The following ASIC2 variants were observed in gnomAD, a reference collection of about 807,000 sequenced individuals.
ASIC2 encodes acid-sensing ion channel 2.
In ASIC2, 25 loss-of-function variants were observed where a neutral mutation model predicts 57.3. That is an observed-to-expected ratio of 0.44 (90% CI 0.32 to 0.61). ASIC2 has a LOEUF of 0.61. Among genes scored for constraint, ASIC2 ranks in the 20% least tolerant of loss-of-function variants. The probability of loss-of-function intolerance (pLI) is 0.06; values close to 1 mark genes in which losing one functional copy is unlikely to be tolerated. For synonymous variants in ASIC2, 319 were observed against 307.5 expected (o/e 1.04, Z -0.39); for missense variants, 641 against 738.1 (o/e 0.87, Z 1.52).
At chr17:34,109,415 G>T (rs1056700890) in intron 1 of ASIC2, among the ~76,000 whole-genome samples, 3 of 152,016 alleles carry the variant, frequency 2.0e-5, no homozygotes, top group Non-Finnish European at 4.4e-5. Flanking sequence ...TCCTGTGCAT[G>T]TCTTCTACGT....
chr17:33,761,816 A>C (rs1910789508), intron 1 of ASIC2, among the ~76,000 whole-genome samples: 1 of 150,154 alleles, frequency 6.7e-6, no homozygotes, highest in South Asian at 2.1e-4. Context: ...AACCCACCTA[A>C]GACCTCCCCA....
intron 1 of ASIC2, among the ~76,000 whole-genome samples, chr17:33,385,173 C>T (rs574229360): frequency 3.8e-4 from 58 of 152,292 alleles, no homozygotes; most frequent in African/African-American, 1.3e-3. Context: ...GTCAAGTGTT[C>T]GACATGCATT....
chr17:34,093,569 A>G (rs776627340), intron 1 of ASIC2, among the ~76,000 whole-genome samples: 2 of 152,220 alleles, frequency 1.3e-5, no homozygotes, highest in Non-Finnish European at 2.9e-5. Context: ...GCTCCAGTTC[A>G]GGCATAGGAC....
At chr17:33,397,867 A>C (rs929532218) in intron 1 of ASIC2, among the ~76,000 whole-genome samples, 9 of 152,252 alleles carry the variant, frequency 5.9e-5, no homozygotes, top group African/African-American at 2.2e-4. Context: ...TATTGCAAAT[A>C]ATTAACTGCA....
At chr17:33,591,511 T>A (rs901702061) in intron 1 of ASIC2, among the ~76,000 whole-genome samples, 3 of 152,198 alleles carry the variant, frequency 2.0e-5, no homozygotes, top group African/African-American at 4.8e-5. Context: ...AGTTGGCACT[T>A]AGAGTATGTA....
chr17:33,268,023 T>A (rs561457861), intron 1 of ASIC2, among the ~76,000 whole-genome samples: 103 of 152,344 alleles, frequency 6.8e-4, no homozygotes, highest in Non-Finnish European at 1.3e-3. Flanking sequence ...AAGGGACATG[T>A]GACCCAAGAT....
intron 1 of ASIC2, among the ~76,000 whole-genome samples, chr17:33,317,194 AC>A (rs752934429): frequency 6.6e-6 from 1 of 152,172 alleles, no homozygotes. Context: ...CTTTGCCCCT[AC>A]ATCTGGTGCC....
intron 1 of ASIC2, among the ~76,000 whole-genome samples, chr17:33,596,127 C>G (rs144342323): frequency 1.3e-5 from 2 of 152,156 alleles, no homozygotes; most frequent in Non-Finnish European, 2.9e-5. Flanking sequence ...CCCGCCAAAT[C>G]TTGGAGCTCT....
intron 1 of ASIC2, among the ~76,000 whole-genome samples, chr17:33,208,867 G>T (rs1263268204): frequency 1.3e-5 from 2 of 152,104 alleles, no homozygotes. Context: ...GATGGGCAGA[G>T]GTGTGGAGGA....
At chr17:33,869,504 G>T (rs1407436231) in intron 1 of ASIC2, among the ~76,000 whole-genome samples, 1 of 152,190 alleles carries the variant, frequency 6.6e-6, no homozygotes, top group Non-Finnish European at 1.5e-5. Context: ...TCCATCAGCT[G>T]ATGAATGAAT....
intron 1 of ASIC2, among the ~76,000 whole-genome samples, chr17:33,624,732 A>G (rs1474783421): frequency 1.3e-5 from 2 of 152,220 alleles, no homozygotes; most frequent in African/African-American, 2.4e-5. Flanking sequence ...CTGGATGGTC[A>G]CTTCTAGGCC....
chr17:34,056,421 T>C (rs972911009), intron 1 of ASIC2, among the ~76,000 whole-genome samples: 6 of 152,192 alleles, frequency 3.9e-5, no homozygotes, highest in African/African-American at 1.4e-4. Context: ...ATTCTGGTAA[T>C]TGGTAATAGC....
chr17:33,594,970 T>C (rs1311345202), intron 1 of ASIC2, among the ~76,000 whole-genome samples: 6 of 152,086 alleles, frequency 3.9e-5, no homozygotes, highest in Non-Finnish European at 8.8e-5. Context: ...CCTGTAATTC[T>C]AGCACTTTGG....
At chr17:33,252,200 A>T (rs1452080123) in intron 1 of ASIC2, among the ~76,000 whole-genome samples, 1 of 152,098 alleles carries the variant, frequency 6.6e-6, no homozygotes, top group Non-Finnish European at 1.5e-5. Flanking sequence ...AACTCATTTC[A>T]TTTTCAAACT....
rs1470322006 is a variant in ASIC2, at chr17:33,292,703, T to TGGGC, written c.-592_-589dup. ...CCAGAGGCGCACCGCGGCTCCTGGCTGGGCGGGCGGGGTGGGTGTGTACGG... is the reference window on the plus strand; with the variant it reads ...CCAGAGGCGCACCGCGGCTCCTGGCTGGGCGGGCGGGCGGGGTGGGTGTGTACGG... On this transcript the variant is annotated 5_prime_UTR_variant, in exon 1 of 10. Coordinates refer to ENST00000225823, the MANE Select transcript of ASIC2 (RefSeq NM_183377.2). The TGGGC allele has an allele frequency of 4.1e-6, 4 of 985,306 alleles. No individual in the cohort carries two copies. In the African/African-American group the frequency reaches 7.0e-5, roughly 17 times the overall value. The allele number at this position is 985,306 out of a possible 1,614,324, so 61.0% of individuals were successfully genotyped here. A position where few individuals can be genotyped will look rare whatever the true frequency, so the allele number is the denominator to read the frequency against.
intron 1 of ASIC2, among the ~76,000 whole-genome samples, chr17:34,144,405 A>G (rs1912359972): frequency 6.6e-6 from 1 of 152,162 alleles, no homozygotes; most frequent in Non-Finnish European, 1.5e-5. Flanking sequence ...CTCATTCCCC[A>G]TACTTTCTGG....
At chr17:33,074,295 G>T (rs540223024) in intron 3 of ASIC2, among the ~76,000 whole-genome samples, 21 of 152,254 alleles carry the variant, frequency 1.4e-4, no homozygotes, top group East Asian at 1.2e-3. Flanking sequence ...ACAAAAGCAT[G>T]GTCCACAGGC....
At chr17:33,804,764 G>C (rs1912223756) in intron 1 of ASIC2, among the ~76,000 whole-genome samples, 1 of 152,134 alleles carries the variant, frequency 6.6e-6, no homozygotes, top group Non-Finnish European at 1.5e-5. Flanking sequence ...CAGTCTCCTG[G>C]ATTTGGGATC....
intron 1 of ASIC2, among the ~76,000 whole-genome samples, chr17:33,868,791 T>G: frequency 6.6e-6 from 1 of 152,158 alleles, no homozygotes; most frequent in East Asian, 1.9e-4. Flanking sequence ...GGGCCAGGCA[T>G]TGTGGCTCAT....
Sources: allele counts gnomAD v4.1 joint callset (sites outside exome capture counted in the v4.1 genomes callset), GRCh38; gene constraint gnomAD v4.1.1; transcripts MANE v1.5; gene names NCBI Gene and HGNC (gene_info 2026-07-23, HGNC 2026-07-21).